Variants in MFN1 observed in about 807,000 individuals in gnomAD.
The protein encoded by MFN1 is mitofusin-1.
MFN1 carries 65 observed loss-of-function variants against 92.4 expected under a neutral mutation model. The ratio of observed to expected loss-of-function variants is 0.70; its 90% CI spans 0.58 to 0.86. The LOEUF (loss-of-function observed/expected upper bound fraction) is 0.86, where lower values mean the gene tolerates loss of function less well. MFN1 is among the 40% of genes least tolerant of loss of function. The probability of loss-of-function intolerance (pLI) is 0.00; values close to 1 mark genes in which losing one functional copy is unlikely to be tolerated. For synonymous variants in MFN1, 297 were observed against 300.9 expected (o/e 0.99, Z 0.13); for missense variants, 781 against 868.0 (o/e 0.90, Z 1.26).
intron 7 of MFN1, among the ~76,000 whole-genome samples, chr3:179,366,509 T>C (rs1261938803): frequency 1.3e-5 from 2 of 152,170 alleles, no homozygotes; most frequent in Non-Finnish European, 2.9e-5. Flanking sequence ...TTAATAGTAG[T>C]ACGAGATTAT....
At chr3:179,370,011 ACAAT>A (rs780639201) in intron 9 of MFN1, among the ~76,000 whole-genome samples, 11 of 152,298 alleles carry the variant, frequency 7.2e-5, no homozygotes, top group Non-Finnish European at 1.3e-4. Flanking sequence ...ATTTTTCCAA[ACAAT>A]CAGCTGGGCA....
At chr3:179,389,515 A>G (rs1402262702) in intron 16 of MFN1, among the ~76,000 whole-genome samples, 2 of 152,188 alleles carry the variant, frequency 1.3e-5, no homozygotes. Context: ...CATCTGTCTG[A>G]GATTTGGTGG....
intron 5 of MFN1, among the ~76,000 whole-genome samples, chr3:179,363,375 C>T (rs567266605): frequency 7.9e-5 from 12 of 152,142 alleles, no homozygotes; most frequent in African/African-American, 2.6e-4. Context: ...TGTGAGCTGC[C>T]GTACCTGGCT....
chr3:179,371,499 ACT>A lies in MFN1; in HGVS notation c.975+3401_975+3402del, dbSNP rs201111702. Reference sequence around the variant, plus strand: ...GCTCCAACCTGTGTGACAGAGTGAGACTCTCTTTTCTTTCAAAAAAAAGGAAG... The same window carrying A: ...GCTCCAACCTGTGTGACAGAGTGAGACTCTTTTCTTTCAAAAAAAAGGAAG... On this transcript the variant is annotated intron_variant, in intron 9 of 17. Transcript: ENST00000471841. Among the ~76,000 whole-genome samples, 17 of 152,154 alleles carry A rather than the reference ACT, an allele frequency of 1.1e-4. No individual in the cohort carries two copies. In the East Asian group the frequency reaches 2.7e-3, roughly 24 times the overall value.
intron 3 of MFN1, among the ~76,000 whole-genome samples, chr3:179,356,112 C>T (rs1184594425): frequency 1.3e-5 from 2 of 152,118 alleles, no homozygotes; most frequent in African/African-American, 2.4e-5. Flanking sequence ...CATAATGAGC[C>T]CTTTTTAATG....
At chr3:179,354,182 A>T (rs775768740) in intron 3 of MFN1, among the ~76,000 whole-genome samples, 15 of 152,206 alleles carry the variant, frequency 9.9e-5, no homozygotes, top group Admixed American at 7.2e-4. Flanking sequence ...TGTCCTACTG[A>T]GAATGAGAAA....
chr3:179,392,351 G>GT lies in MFN1; in HGVS notation c.*297dup, dbSNP rs921192444. ...GGGTGGGGCTGTGAGCTCTTAATTT[G>GT]TTTTTGATTCTGAAAAACTCTGCTT... On this transcript the variant is annotated 3_prime_UTR_variant, in exon 18 of 18. Transcript: ENST00000471841. 12 of 221,322 alleles carry GT rather than the reference G, an allele frequency of 5.4e-5. No homozygotes were observed. Among genetic ancestry groups the GT allele is most frequent in the Admixed American group, 1.1e-4 (2 of 17,412 alleles). 13.7% of individuals were successfully genotyped at this position (221,322 alleles called of 1,614,324 possible).
At chr3:179,370,392 CTTT>C (rs34938438) in intron 9 of MFN1, among the ~76,000 whole-genome samples, 5 of 88,066 alleles carry the variant, frequency 5.7e-5, no homozygotes, top group South Asian at 9.2e-4. Flanking sequence ...TCACTAAGTT[CTTT>C]TTTTTTTTTT....
intron 1 of MFN1, 65 bp downstream of exon 1, chr3:179,347,875 C>T: frequency 6.6e-6 from 1 of 152,118 alleles, no homozygotes; most frequent in Non-Finnish European, 1.5e-5. Flanking sequence ...CGACTGGGGA[C>T]CGGGGGCGGG....
intron 7 of MFN1, 74 bp downstream of exon 7, chr3:179,365,299 C>A: frequency 2.4e-6 from 2 of 822,340 alleles, no homozygotes; most frequent in South Asian, 2.0e-5. Context: ...AACAATATTG[C>A]TTATAGAATA....
chr3:179,351,884 C>T lies in MFN1; in HGVS notation c.113-16C>T, dbSNP rs1238950260. The T allele has an allele frequency of 1.3e-6, 2 of 1,585,216 alleles. No homozygotes were observed. The highest frequency in any genetic ancestry group is 1.7e-6 in the Non-Finnish European group (2 of 1,159,852). On this transcript the variant is annotated splice_polypyrimidine_tract_variant and intron_variant, in intron 2 of 17. Transcript: ENST00000471841. ...TTCATTTATATCACTTTTCTAATGC[C>T]ATTTCAATTTTGCAGCAACATATAA... is the stretch of plus-strand genomic sequence containing the variant.
intron 2 of MFN1, 105 bp from the exon 3 acceptor site, chr3:179,351,795 G>C: frequency 9.5e-7 from 1 of 1,048,148 alleles, no homozygotes; most frequent in East Asian, 2.7e-5. Flanking sequence ...GCTGTGGGTG[G>C]CATGTTAACA....
At chr3:179,386,681 A>C (rs369870551) in intron 16 of MFN1, 52 bp downstream of exon 16, 1 of 1,502,064 alleles carries the variant, frequency 6.7e-7, no homozygotes, top group African/African-American at 1.4e-5. Flanking sequence ...GAAATATGAC[A>C]TACATGCAGA....
At chr3:179,356,592 T>G (rs1712351052) in intron 3 of MFN1, among the ~76,000 whole-genome samples, 1 of 152,122 alleles carries the variant, frequency 6.6e-6, no homozygotes. Flanking sequence ...AAGTGTTCTG[T>G]GTTGATTTTG....
In MFN1 at chr3:179,378,643, T is replaced by G; in HGVS notation, c.1491T>G (p.Pro497=). The G allele has an allele frequency of 6.2e-7, 1 of 1,613,766 alleles. No individual in the cohort carries two copies. The highest frequency in any genetic ancestry group is 8.5e-7 in the Non-Finnish European group (1 of 1,179,814). The change falls in exon 14 of 18, where the codon CCT becomes CCG. Residue 497 remains proline (P), a synonymous_variant. Transcript: ENST00000471841. ...GIQDKLHTLI[P]CKKFDLSYNL... ...AGGATAAACTACATACACTGATCCCTTGCAAGAAATTTGATCTCAGTTATA... is the reference window on the plus strand; with the variant it reads ...AGGATAAACTACATACACTGATCCCGTGCAAGAAATTTGATCTCAGTTATA...
intron 4 of MFN1, 29 bp downstream of exon 4, chr3:179,359,031 T>C: frequency 6.3e-7 from 1 of 1,595,622 alleles, no homozygotes; most frequent in Non-Finnish European, 8.5e-7. Flanking sequence ...AGCAGAATAA[T>C]ATACCTGAAA....
rs1404172436 is a variant in MFN1, at chr3:179,393,984, G to A, written c.*1925G>A. The A allele has an allele frequency of 6.6e-6, 1 of 152,242 alleles. No homozygotes were observed. The highest frequency in any genetic ancestry group is 1.9e-4 in the East Asian group (1 of 5,184). The allele number at this position is 152,242 out of a possible 1,614,324, so 9.4% of individuals were successfully genotyped here. ...TGATCCTCCCACATCAGCCTCCTGG[G>A]TGGCTGGGACTACAGGCACACGCCA... On this transcript the variant is annotated 3_prime_UTR_variant, in exon 18 of 18. Transcript: ENST00000471841.
At chr3:179,382,438 A>G (rs9837183) in intron 14 of MFN1, among the ~76,000 whole-genome samples, 17,109 of 152,202 alleles carry the variant, frequency 0.11, 3,161 homozygotes, top group African/African-American at 0.39. Context: ...TCCATGGTGT[A>G]TATGTGCCAC....
intron 3 of MFN1, among the ~76,000 whole-genome samples, chr3:179,355,032 G>A (rs1322195698): frequency 6.6e-6 from 1 of 152,010 alleles, no homozygotes; most frequent in Admixed American, 6.6e-5. Flanking sequence ...CCTGACCTCA[G>A]GCCATCCACC....
Sources: gnomAD v4.1 joint callset for allele counts (sites outside exome capture counted in the v4.1 genomes callset) on GRCh38, gnomAD v4.1.1 for gene constraint, MANE v1.5 for transcripts, NCBI Gene and HGNC (gene_info 2026-07-23, HGNC 2026-07-21) for gene names.